HACL2: variants seen among roughly 807,000 people sequenced by gnomAD.
HACL2 encodes 2-hydroxyacyl-CoA lyase 1 like.
the HACL2 span, chr19:15,115,407 GA>G: frequency 6.2e-7 from 1 of 1,613,834 alleles, no homozygotes; most frequent in South Asian, 1.1e-5. Context: ...CGGGCCCCCA[GA>G]CCCATGGCTG....
At chr19:15,115,223 G>T in the HACL2 span, 1 of 1,613,270 alleles carries the variant, frequency 6.2e-7, no homozygotes, top group East Asian at 2.2e-5. Context: ...GGGGCAGGAA[G>T]GCAGCCAAGC....
the HACL2 span, chr19:15,116,260 C>T: frequency 1.2e-6 from 2 of 1,614,042 alleles, no homozygotes; most frequent in Middle Eastern, 1.6e-4. Flanking sequence ...AGCGTTTCCT[C>T]CACCAGCTGC....
At chr19:15,116,116 T>C in the HACL2 span, 25 of 1,613,278 alleles carry the variant, frequency 1.5e-5, no homozygotes, top group Non-Finnish European at 2.0e-5. Context: ...TCCTGATGGA[T>C]GGTGCCCACT....
At chr19:15,116,737 A>C in the HACL2 span, 1 of 569,166 alleles carries the variant, frequency 1.8e-6, no homozygotes, top group East Asian at 3.0e-5. Context: ...ACAAGGCCCA[A>C]GAAACAAGGG....
At chr19:15,123,271 G>A in the HACL2 span, 1 of 1,611,444 alleles carries the variant, frequency 6.2e-7, no homozygotes, top group Admixed American at 1.7e-5. The surrounding 1 kb of genome is among the most constrained non-coding windows in gnomAD (Gnocchi z 5.1). Context: ...TCACAGCCAT[G>A]CCCACTCTCT....
At chr19:15,124,412 A>C in the HACL2 span, 1 of 154,524 alleles carries the variant, frequency 6.5e-6, no homozygotes, top group Non-Finnish European at 1.4e-5. Context: ...CAAACATGTC[A>C]CCTAGGGCAA....
chr19:15,119,357 A>G, the HACL2 span: 14 of 1,608,508 alleles, frequency 8.7e-6, no homozygotes, highest in African/African-American at 1.7e-4. Context: ...CGCCTCCCCA[A>G]GAGCACCCGA....
chr19:15,115,717 C>G, the HACL2 span: 1 of 1,592,438 alleles, frequency 6.3e-7, no homozygotes. Context: ...AGCCCCATGG[C>G]TTGGCCAGCC....
the HACL2 span, among the ~76,000 whole-genome samples, chr19:15,121,983 C>T: frequency 6.7e-6 from 1 of 149,798 alleles, no homozygotes; most frequent in Admixed American, 6.6e-5. Context: ...CTGCAAGCTC[C>T]ACCTCCTGGG....
the HACL2 span, chr19:15,116,470 G>C: frequency 6.2e-7 from 1 of 1,613,880 alleles, no homozygotes. Context: ...CTGGGGCCCA[G>C]GTCTGGCCCT....
the HACL2 span, chr19:15,116,566 C>T: frequency 6.6e-7 from 1 of 1,511,682 alleles, no homozygotes; most frequent in Non-Finnish European, 9.1e-7. Flanking sequence ...TGGCTTCCTC[C>T]TGTTCTTCCA....
chr19:15,122,920 C>A, the HACL2 span: 17 of 1,608,046 alleles, frequency 1.1e-5, no homozygotes, highest in Admixed American at 2.3e-4. This position sits in a 1 kb window ranked among gnomAD's most constrained non-coding sequence, Gnocchi z 4.0. Flanking sequence ...CGGCAGCCAT[C>A]GCGGCCCTCA....
chr19:15,117,809 A>C, the HACL2 span: 7 of 1,560,188 alleles, frequency 4.5e-6, no homozygotes, highest in Middle Eastern at 1.7e-4. Flanking sequence ...GGCTCAAGCC[A>C]GCTGCAGCAG....
chr19:15,124,856 G>A, the HACL2 span: 1 of 1,538,630 alleles, frequency 6.5e-7, no homozygotes, highest in South Asian at 1.2e-5. Context: ...TGAGTGAGCT[G>A]GAAGCAGCAC....
At chr19:15,120,058 T>G in the HACL2 span, 1 of 1,550,006 alleles carries the variant, frequency 6.5e-7, no homozygotes, top group South Asian at 1.2e-5. Context: ...TGCAAAGAGG[T>G]TGGCCAGGTA....
chr19:15,115,841 C>T, the HACL2 span: 42 of 1,613,406 alleles, frequency 2.6e-5, no homozygotes, highest in Non-Finnish European at 3.6e-5. Flanking sequence ...CTCAGGCCAG[C>T]CCAGTCACCT....
chr19:15,115,191 C>T, the HACL2 span: 1 of 1,602,032 alleles, frequency 6.2e-7, no homozygotes, highest in Middle Eastern at 1.7e-4. Context: ...GATGAGACTC[C>T]AAACCAGCTG....
the HACL2 span, chr19:15,122,903 G>A: frequency 1.9e-4 from 298 of 1,610,128 alleles, no homozygotes; most frequent in Non-Finnish European, 2.5e-4. The surrounding 1 kb of genome is among the most constrained non-coding windows in gnomAD (Gnocchi z 4.0). Flanking sequence ...TGGGGTGCCC[G>A]ACTGGGCGGC....
At chr19:15,125,219 T>C in the HACL2 span, 1 of 757,524 alleles carries the variant, frequency 1.3e-6, no homozygotes, top group Non-Finnish European at 2.1e-6. Context: ...GACCACGCCC[T>C]TTGTGCGCCT....
Sources: allele counts gnomAD v4.1 joint callset (sites outside exome capture counted in the v4.1 genomes callset), GRCh38; gene constraint gnomAD v4.1.1; non-coding constraint Gnocchi (gnomAD v3.1); transcripts MANE v1.5; gene names NCBI Gene and HGNC (gene_info 2026-07-23, HGNC 2026-07-21).